The following CACNA2D3 variants were observed in gnomAD, a reference collection of about 807,000 sequenced individuals.
The protein encoded by CACNA2D3 is calcium voltage-gated channel auxiliary subunit alpha2delta 3, also known as voltage-dependent calcium channel subunit alpha-2/delta-3.
In CACNA2D3, 60 loss-of-function variants were observed where a neutral mutation model predicts 160.6. The ratio of observed to expected loss-of-function variants is 0.37; its 90% CI spans 0.30 to 0.46. CACNA2D3 has a LOEUF of 0.46. Among genes scored for constraint, CACNA2D3 ranks in the 20% least tolerant of loss-of-function variants. The probability of loss-of-function intolerance (pLI) is 1.00; values close to 1 mark genes in which losing one functional copy is unlikely to be tolerated. For synonymous variants in CACNA2D3, 558 were observed against 492.9 expected (o/e 1.13, Z -1.75); for missense variants, 1,205 against 1,365.0 (o/e 0.88, Z 1.85).
intron 5 of CACNA2D3, among the ~76,000 whole-genome samples, chr3:54,512,912 G>A (rs1472777292): frequency 2.6e-5 from 4 of 152,334 alleles, no homozygotes; most frequent in South Asian, 2.1e-4. Context: ...CGGAAGGCAA[G>A]GAGGAGCAAG....
At chr3:54,594,240 T>A (rs2106760895) in intron 9 of CACNA2D3, among the ~76,000 whole-genome samples, 1 of 152,342 alleles carries the variant, frequency 6.6e-6, no homozygotes, top group East Asian at 1.9e-4. Flanking sequence ...CAATTTCTGC[T>A]GTAACTACTC....
intron 18 of CACNA2D3, 72 bp from the exon 19 acceptor site, chr3:54,878,946 T>C: frequency 2.2e-6 from 2 of 925,938 alleles, no homozygotes; most frequent in South Asian, 1.7e-5. Flanking sequence ...CACTGCACGC[T>C]GAGGATGCAA....
At chr3:54,287,113 A>C (rs561040288) in intron 2 of CACNA2D3, among the ~76,000 whole-genome samples, 1 of 152,130 alleles carries the variant, frequency 6.6e-6, no homozygotes, top group African/African-American at 2.4e-5. Context: ...AAATGCTCCA[A>C]TTAAAAGACA....
intron 10 of CACNA2D3, among the ~76,000 whole-genome samples, chr3:54,636,923 A>G (rs1559534507): frequency 6.6e-6 from 1 of 152,000 alleles, no homozygotes; most frequent in Non-Finnish European, 1.5e-5. Flanking sequence ...AGTGAAAGCA[A>G]AGAGAGGCTG....
At chr3:54,691,024 C>G (rs548031818) in intron 11 of CACNA2D3, among the ~76,000 whole-genome samples, 52 of 152,126 alleles carry the variant, frequency 3.4e-4, no homozygotes, top group Middle Eastern at 3.4e-3. Context: ...GAGCTTTTCT[C>G]TGATTGTGTG....
intron 27 of CACNA2D3, among the ~76,000 whole-genome samples, chr3:54,942,617 ACTGGTTCACGC>A (rs377180717): frequency 4.9e-4 from 74 of 152,296 alleles, no homozygotes; most frequent in African/African-American, 1.7e-3. Flanking sequence ...AGCCAGGCAT[ACTGGTTCACGC>A]CTGTAATTCC....
At chr3:54,494,685 G>C (rs1356282004) in intron 4 of CACNA2D3, among the ~76,000 whole-genome samples, 1 of 152,146 alleles carries the variant, frequency 6.6e-6, no homozygotes, top group Non-Finnish European at 1.5e-5. Context: ...TTTTCACACT[G>C]CTATAAAGAA....
At chr3:54,312,983 G>C (rs73081612) in intron 2 of CACNA2D3, among the ~76,000 whole-genome samples, 12,692 of 152,222 alleles carry the variant, frequency 0.083, 759 homozygotes, top group South Asian at 0.13. Context: ...GAGACCTTCA[G>C]TTTAGGAATA....
At chr3:54,334,180 G>C (rs1305104712) in intron 3 of CACNA2D3, among the ~76,000 whole-genome samples, 1 of 151,130 alleles carries the variant, frequency 6.6e-6, no homozygotes, top group African/African-American at 2.4e-5. Context: ...TCCGCCTCCC[G>C]GGTTCAAGCA....
intron 4 of CACNA2D3, among the ~76,000 whole-genome samples, chr3:54,492,883 C>T (rs1435233536): frequency 6.6e-6 from 1 of 152,108 alleles, no homozygotes; most frequent in Non-Finnish European, 1.5e-5. Flanking sequence ...TCTGGGGCTG[C>T]ACGGAGTGAG....
intron 11 of CACNA2D3, among the ~76,000 whole-genome samples, chr3:54,689,838 A>G (rs186018980): frequency 2.9e-4 from 44 of 152,200 alleles, no homozygotes; most frequent in Admixed American, 1.6e-3. Flanking sequence ...TTTCAGCACA[A>G]CAGCCAGAGT....
intron 3 of CACNA2D3, among the ~76,000 whole-genome samples, chr3:54,351,184 G>T (rs941318919): frequency 6.6e-6 from 1 of 151,682 alleles, no homozygotes; most frequent in Admixed American, 6.6e-5. Flanking sequence ...GTTACCGCAT[G>T]TTGGCCAGGC....
intron 2 of CACNA2D3, among the ~76,000 whole-genome samples, chr3:54,126,762 T>C (rs1699601651): frequency 6.6e-6 from 1 of 152,170 alleles, no homozygotes; most frequent in South Asian, 2.1e-4. Context: ...GGTGCGCCGC[T>C]GTATGCCTGT....
At chr3:54,239,473 C>T (rs79622722) in intron 2 of CACNA2D3, among the ~76,000 whole-genome samples, 8,407 of 152,236 alleles carry the variant, frequency 0.055, 468 homozygotes, top group African/African-American at 0.13. Flanking sequence ...GGAACACTGA[C>T]GCAGCTCAAG....
intron 11 of CACNA2D3, among the ~76,000 whole-genome samples, chr3:54,709,117 C>A (rs1575433868): frequency 6.6e-6 from 1 of 151,344 alleles, no homozygotes; most frequent in Non-Finnish European, 1.5e-5. Flanking sequence ...TCAAGCAATT[C>A]TCCCGCCTCA....
At chr3:54,785,528 T>C (rs1702622999) in intron 13 of CACNA2D3, among the ~76,000 whole-genome samples, 1 of 152,246 alleles carries the variant, frequency 6.6e-6, no homozygotes, top group South Asian at 2.1e-4. Context: ...ATGTTTAGTC[T>C]AGCTATATGG....
chr3:54,964,300 G>A (rs909173214), intron 27 of CACNA2D3, among the ~76,000 whole-genome samples: 6 of 152,172 alleles, frequency 3.9e-5, no homozygotes, highest in Admixed American at 1.3e-4. Flanking sequence ...CAGGGAGGGA[G>A]CCCTGGGACA....
At chr3:54,860,903 A>G (rs1056000039) in intron 17 of CACNA2D3, among the ~76,000 whole-genome samples, 1 of 152,232 alleles carries the variant, frequency 6.6e-6, no homozygotes, top group African/African-American at 2.4e-5. Flanking sequence ...AAATGAGTTA[A>G]TGTTCCTAAA....
chr3:54,979,792 A>G (rs1326198294), intron 29 of CACNA2D3, among the ~76,000 whole-genome samples: 7 of 152,122 alleles, frequency 4.6e-5, no homozygotes, highest in Admixed American at 3.9e-4. Context: ...ATTCAATAGC[A>G]CTGTCAGAGT....
Sources: gnomAD v4.1 joint callset for allele counts (sites outside exome capture counted in the v4.1 genomes callset) on GRCh38, gnomAD v4.1.1 for gene constraint, MANE v1.5 for transcripts, NCBI Gene and HGNC (gene_info 2026-07-23, HGNC 2026-07-21) for gene names.